Variants in NOTCH1 observed in about 807,000 individuals in gnomAD.
The protein encoded by NOTCH1 is notch receptor 1.
A neutral mutation model predicts 254.8 loss-of-function variants in NOTCH1; 37 were observed. That is an observed-to-expected ratio of 0.15 (90% CI 0.11 to 0.19). The LOEUF is 0.19. Ranked by LOEUF, NOTCH1 falls within the 10% of genes least tolerant of loss-of-function variation. NOTCH1 has a pLI of 1.00. For missense variants in NOTCH1, 2,972 were observed against 3,708.6 expected (o/e 0.80, Z 5.16); for synonymous variants, 1,731 against 1,618.1 (o/e 1.07, Z -1.68).
intron 19 of NOTCH1, 48 bp downstream of exon 19, chr9:136,508,822 C>T: frequency 6.6e-7 from 1 of 1,508,378 alleles, no homozygotes; most frequent in East Asian, 2.5e-5. Context: ...CAGGTAGGCA[C>T]CCACCCAGGG....
chr9:136,523,664 G>C (rs2133378704), intron 3 of NOTCH1, 53 bp downstream of exon 3: 1 of 1,558,058 alleles, frequency 6.4e-7, no homozygotes, highest in South Asian at 1.2e-5. Flanking sequence ...TGCCTGGGCA[G>C]CTGGCGGCGG....
intron 2 of NOTCH1, among the ~76,000 whole-genome samples, chr9:136,539,645 T>C (rs942474859): frequency 2.6e-5 from 4 of 152,190 alleles, no homozygotes; most frequent in African/African-American, 9.6e-5. Flanking sequence ...CCACCTCGGA[T>C]GCTGCATGTT....
chr9:136,502,563 C>G, intron 27 of NOTCH1, 75 bp from the exon 28 acceptor site: 1 of 970,362 alleles, frequency 1.0e-6, no homozygotes, highest in East Asian at 2.8e-5. Context: ...GGCCGGGGGG[C>G]GGCGGACTGG....
intron 12 of NOTCH1, 43 bp downstream of exon 12, chr9:136,515,247 T>C (rs769636449): frequency 1.9e-6 from 3 of 1,586,518 alleles, no homozygotes; most frequent in Non-Finnish European, 2.6e-6. Context: ...GACCTTGACC[T>C]CTGAGCACAG....
At chr9:136,530,777 C>T (rs565769888) in intron 2 of NOTCH1, among the ~76,000 whole-genome samples, 35 of 152,336 alleles carry the variant, frequency 2.3e-4, no homozygotes, top group African/African-American at 7.7e-4. Context: ...CATGACACGC[C>T]GGGGCTCTGC....
rs1330174392 is a variant in NOTCH1, at chr9:136,506,924, G to A, written c.3693C>T (p.Pro1231=). 2.0e-5 allele frequency: 32 copies of A among 1,611,202 alleles called. No individual in the cohort carries two copies. Among genetic ancestry groups the A allele is most frequent in the Middle Eastern group, 1.7e-4 (1 of 6,004 alleles). The change falls in exon 23 of 34, where the codon CCC becomes CCT. Residue 1231 remains proline (P), a synonymous_variant. Transcript: ENST00000651671. The surrounding 1 kb of genome is among the most constrained non-coding windows in gnomAD (Gnocchi z 4.5). ...NVDDCNPPVD[P]VSRSPKCFNN... is the part of the protein sequence containing the mutation. ...TAAAGCACTTGGGGCTCCGGGACAC[G>A]GGGTCAACGGGGGGATTGCAGTCGT...
intron 30 of NOTCH1, among the ~76,000 whole-genome samples, 160 bp from the exon 31 acceptor site, chr9:136,501,007 C>T (rs1267553996): frequency 6.6e-6 from 1 of 152,232 alleles, no homozygotes; most frequent in African/African-American, 2.4e-5. Flanking sequence ...CAGCTGAAGT[C>T]CGCCTGGGCT....
chr9:136,499,335 G>A (rs2133323566), intron 31 of NOTCH1, 76 bp from the exon 32 acceptor site: 1 of 1,566,416 alleles, frequency 6.4e-7, no homozygotes, highest in East Asian at 2.3e-5. Flanking sequence ...CGAACGCCTG[G>A]ACGGGAAGCC....
In NOTCH1 at chr9:136,545,794, C is replaced by G; in HGVS notation, c.-8G>C. On this transcript the variant is annotated 5_prime_UTR_variant, in exon 1 of 34. Coordinates refer to ENST00000651671, the MANE Select transcript of NOTCH1 (RefSeq NM_017617.5). This position sits in a 1 kb window ranked among gnomAD's most constrained non-coding sequence, Gnocchi z 6.8. Reference sequence around the variant, plus strand: ...CGCCAGGAGCGGCGGCATGCCTCCCCACCGGCTGCCCTCTGCGCCCGGGCG... The same window carrying G: ...CGCCAGGAGCGGCGGCATGCCTCCCGACCGGCTGCCCTCTGCGCCCGGGCG... 1 of 1,317,276 alleles carries G rather than the reference C, an allele frequency of 7.6e-7. No homozygotes were observed. The allele number at this position is 1,317,276 out of a possible 1,614,324, so 81.6% of individuals were successfully genotyped here.
At position 136,503,105 on chromosome 9, in the gene NOTCH1, C is replaced by G. The variant is rs34383263; in HGVS notation, c.5167+77G>C. ...ACCCGTGGGTAGCAACTGGCACAAA[C>G]AGCCAGCGTGTCTGGGGCACGGGGG... is the stretch of plus-strand genomic sequence containing the variant. On this transcript the variant is annotated intron_variant, in intron 27 of 33. Transcript: ENST00000651671. The G allele has an allele frequency of 0.11, 177,991 of 1,596,996 alleles. 11,488 individuals carry two copies. The highest frequency in any genetic ancestry group is 0.25 in the South Asian group (22,340 of 90,726).
chr9:136,506,426 C>T lies in NOTCH1; in HGVS notation c.4014+101G>A. The T allele has an allele frequency of 1.0e-6, 1 of 956,032 alleles. No homozygotes were observed. The highest frequency in any genetic ancestry group is 1.6e-6 in the Non-Finnish European group (1 of 624,918). The allele number at this position is 956,032 out of a possible 1,614,324, so 59.2% of individuals were successfully genotyped here. A position where few individuals can be genotyped will look rare whatever the true frequency, so the allele number is the denominator to read the frequency against. On this transcript the variant is annotated intron_variant, in intron 24 of 33. Transcript: ENST00000651671. This position sits in a 1 kb window ranked among gnomAD's most constrained non-coding sequence, Gnocchi z 4.5. ...ATCAGGGTGAGGAGGAGGATGAAGG[C>T]CGGGAGGATCACTGCCCGGTCTGCG... is the stretch of plus-strand genomic sequence containing the variant.
rs746161383 is a variant in NOTCH1, at chr9:136,523,172, C to T, written c.420G>A (p.Gln140=). 2 of 1,603,254 alleles carry T rather than the reference C, an allele frequency of 1.2e-6. No homozygotes were observed. Among genetic ancestry groups the T allele is most frequent in the South Asian group, 2.2e-5 (2 of 89,170 alleles). Reference sequence around the variant, plus strand: ...AGGGGTTGGAGGCGCACGGGTCAGCCTGCTGGCACGATTTCCCTGGAGACA... The same window carrying T: ...AGGGGTTGGAGGCGCACGGGTCAGCTTGCTGGCACGATTTCCCTGGAGACA... ...PPGWSGKSCQ[Q]ADPCASNPCA... is the part of the protein sequence containing the mutation. The change falls in exon 4 of 34, where the codon CAG becomes CAA. Residue 140 remains glutamine (Q), a synonymous_variant. Coordinates refer to ENST00000651671, the MANE Select transcript of NOTCH1 (RefSeq NM_017617.5).
intron 15 of NOTCH1, among the ~76,000 whole-genome samples, chr9:136,511,903 G>A (rs1843187416): frequency 6.6e-6 from 1 of 152,244 alleles, no homozygotes; most frequent in East Asian, 1.9e-4. Context: ...GCACAGCCGA[G>A]GGCCTTTTTC....
intron 18 of NOTCH1, among the ~76,000 whole-genome samples, chr9:136,509,419 C>A (rs1177945014): frequency 6.6e-6 from 1 of 152,174 alleles, no homozygotes; most frequent in Non-Finnish European, 1.5e-5. Context: ...CTGACGTTTA[C>A]CAAATGAGCT....
chr9:136,501,229 T>G (rs1842990127), intron 30 of NOTCH1, among the ~76,000 whole-genome samples: 1 of 151,468 alleles, frequency 6.6e-6, no homozygotes, highest in South Asian at 2.1e-4. Context: ...AGGTCAGGAG[T>G]TCGAGACCAG....
intron 4 of NOTCH1, 92 bp from the exon 5 acceptor site, chr9:136,519,657 T>C: frequency 1.9e-6 from 3 of 1,587,920 alleles, no homozygotes; most frequent in Non-Finnish European, 2.6e-6. Flanking sequence ...CACAAGAGCC[T>C]GGCCTCCACG....
At chr9:136,511,119 T>A (rs781086733) in intron 16 of NOTCH1, 33 bp downstream of exon 16, 8 of 1,612,626 alleles carry the variant, frequency 5.0e-6, no homozygotes, top group Non-Finnish European at 6.8e-6. Context: ...TGACCTCCCA[T>A]CCCAGCCCTC....
At position 136,537,168 on chromosome 9, in the gene NOTCH1, A is replaced by C. The variant is rs148012735; in HGVS notation, c.140+6856T>G. ...CAGAGTGAGCGCCATCTCTTCCAGG[A>C]AGCCACCCCGGACGCCCTCCCAACA... is the stretch of plus-strand genomic sequence containing the variant. On this transcript the variant is annotated intron_variant, in intron 2 of 33. Transcript: ENST00000651671. Among the ~76,000 whole-genome samples the C allele has an allele frequency of 3.8e-3, 571 of 152,252 alleles. 7 individuals carry two copies. Among genetic ancestry groups the C allele is most frequent in the African/African-American group, 0.012 (507 of 41,548 alleles).
In NOTCH1 at chr9:136,515,968, C is replaced by G. The variant is rs147260092; in HGVS notation, c.1669+13G>C. The stretch of plus-strand genomic sequence containing the variant: ...TCCCCAGTCCCTCCCCGCTGGTGGG[C>G]GCCAGCCCGCACCTTCCGTGCACAC... On this transcript the variant is annotated intron_variant, in intron 10 of 33. Coordinates refer to ENST00000651671, the MANE Select transcript of NOTCH1 (RefSeq NM_017617.5). The G allele has an allele frequency of 1.9e-6, 3 of 1,599,124 alleles. No individual in the cohort carries two copies. Among genetic ancestry groups the G allele is most frequent in the African/African-American group, 2.7e-5 (2 of 74,892 alleles).
Sources: gnomAD v4.1 joint callset for allele counts (sites outside exome capture counted in the v4.1 genomes callset) on GRCh38, gnomAD v4.1.1 for gene constraint, Gnocchi (gnomAD v3.1) non-coding constraint, MANE v1.5 for transcripts, NCBI Gene and HGNC (gene_info 2026-07-23, HGNC 2026-07-21) for gene names.